TLN2: variants seen among roughly 807,000 people sequenced by gnomAD.
The protein encoded by TLN2 is talin 2, also known as talin-2.
In TLN2, 118 loss-of-function variants were observed where a neutral mutation model predicts 294.7. The observed-to-expected ratio is 0.40, with a 90% confidence interval of 0.34 to 0.47. The LOEUF is 0.47. Ranked by LOEUF, TLN2 falls within the 20% of genes least tolerant of loss-of-function variation. The pLI is 0.84. For synonymous variants in TLN2, 1,431 were observed against 1,304.5 expected, an observed-to-expected ratio of 1.10 and a Z score of -2.09; for missense variants, 3,083 against 3,282.2, an observed-to-expected ratio of 0.94 and a Z score of 1.48.
intron 25 of TLN2, among the ~76,000 whole-genome samples, chr15:62,722,104 A>G (rs774461572): frequency 3.9e-5 from 6 of 152,290 alleles, no homozygotes; most frequent in Admixed American, 2.0e-4. Flanking sequence ...TCAAGCCACT[A>G]TTCTAATTTT....
intron 1 of TLN2, among the ~76,000 whole-genome samples, chr15:62,480,851 T>C (rs544777513): frequency 5.9e-5 from 9 of 152,296 alleles, no homozygotes; most frequent in Non-Finnish European, 1.0e-4. Flanking sequence ...TGTGCTAAAG[T>C]GTTCAGACCT....
chr15:62,604,915 T>C (rs1228217546), intron 2 of TLN2, among the ~76,000 whole-genome samples: 2 of 151,684 alleles, frequency 1.3e-5, no homozygotes, highest in Non-Finnish European at 2.9e-5. Flanking sequence ...CCTCCTCCTT[T>C]CCCCCATTAA....
chr15:62,740,749 TCTC>T lies in TLN2; in HGVS notation c.4008_4010del (p.Leu1337del), dbSNP rs749864773. On this transcript the variant is annotated inframe_deletion, in exon 32 of 59. Coordinates refer to ENST00000636159, the MANE Select transcript of TLN2 (RefSeq NM_015059.3). ...ATCCAGGAGCTCCCAATGCGAAAAA[TCTC>T]CTGGCTGCAGCTGCAAGGTAGGAGT... 5.6e-6 allele frequency: 9 copies of T among 1,613,904 alleles called. No individual in the cohort carries two copies. In the African/African-American group the frequency reaches 8.0e-5, roughly 14 times the overall value.
chr15:62,446,836 A>C (rs2035845727), intron 1 of TLN2, among the ~76,000 whole-genome samples: 1 of 152,214 alleles, frequency 6.6e-6, no homozygotes, highest in Admixed American at 6.5e-5. Flanking sequence ...TACTTAAGAT[A>C]ATATGTAAAT....
chr15:62,715,511 T>C (rs2059707796), intron 22 of TLN2, among the ~76,000 whole-genome samples: 1 of 152,356 alleles, frequency 6.6e-6, no homozygotes, highest in South Asian at 2.1e-4. Flanking sequence ...GTTAAAATTA[T>C]ATCCTTTCTC....
intron 1 of TLN2, among the ~76,000 whole-genome samples, chr15:62,527,222 C>T (rs1295037104): frequency 2.0e-5 from 3 of 151,626 alleles, no homozygotes; most frequent in Non-Finnish European, 2.9e-5. Flanking sequence ...CTTTGGACTC[C>T]TCAGGGATCA....
rs182010949 is a variant in TLN2 at position 62,812,921 on chromosome 15, A to G, written c.6771+2889A>G. 4.7e-4 allele frequency among the ~76,000 whole-genome samples: 71 copies of G among 152,304 alleles called. 1 individual carries two copies. The East Asian group carries it at 9.5e-3, about 20-fold the overall frequency. ...GCCACACATTCAGAGACTCCTGCTT[A>G]GTGGCCACCCAGTCGCTATGTCAAC... On this transcript the variant is annotated intron_variant, in intron 52 of 58. Transcript: ENST00000636159.
intron 54 of TLN2, chr15:62,829,000 G>A (rs1320151807): frequency 6.6e-6 from 1 of 151,858 alleles, no homozygotes; most frequent in Admixed American, 6.6e-5. Flanking sequence ...ACAGATTCCT[G>A]ACTCCCACCC....
chr15:62,838,826 G>A (rs751784743), intron 57 of TLN2, 30 bp from the exon 58 acceptor site: 3 of 1,604,650 alleles, frequency 1.9e-6, no homozygotes, highest in Non-Finnish European at 2.5e-6. Context: ...TGTTTCTAAT[G>A]ATATAATGTA....
chr15:62,528,135 A>T (rs1440516648), intron 1 of TLN2, among the ~76,000 whole-genome samples: 1 of 152,214 alleles, frequency 6.6e-6, no homozygotes, highest in South Asian at 2.1e-4. Context: ...ATTAAATTTT[A>T]TATTTTTCAA....
intron 1 of TLN2, among the ~76,000 whole-genome samples, chr15:62,575,020 A>T (rs757879197): frequency 1.3e-5 from 2 of 152,174 alleles, no homozygotes; most frequent in Admixed American, 6.5e-5. Context: ...AAAGTTTATT[A>T]TCTGTTTCAG....
intron 9 of TLN2, among the ~76,000 whole-genome samples, chr15:62,664,496 C>T (rs1328807496): frequency 6.6e-6 from 1 of 151,902 alleles, no homozygotes; most frequent in Non-Finnish European, 1.5e-5. Flanking sequence ...AAAGAGAAAC[C>T]GGATGTATTA....
intron 51 of TLN2, among the ~76,000 whole-genome samples, chr15:62,806,057 T>C (rs1233145314): frequency 1.3e-5 from 2 of 152,026 alleles, no homozygotes; most frequent in East Asian, 3.9e-4. Flanking sequence ...CCAAGTGTGG[T>C]GGTGTGTACC....
At chr15:62,412,473 G>A (rs2033829926) in intron 1 of TLN2, among the ~76,000 whole-genome samples, 1 of 152,182 alleles carries the variant, frequency 6.6e-6, no homozygotes, top group African/African-American at 2.4e-5. Context: ...GACCCTGGAA[G>A]AATGATGCCC....
intron 3 of TLN2, among the ~76,000 whole-genome samples, chr15:62,641,643 AT>A (rs1344166343): frequency 1.7e-5 from 2 of 116,308 alleles, no homozygotes; most frequent in Non-Finnish European, 3.8e-5. Context: ...TAAAAAAAAA[AT>A]AATAATAACA....
chr15:62,437,671 C>T (rs942886454), intron 1 of TLN2, among the ~76,000 whole-genome samples: 1 of 152,046 alleles, frequency 6.6e-6, no homozygotes, highest in African/African-American at 2.4e-5. Context: ...CTAGCCCTTG[C>T]CTCAGGATAC....
In TLN2 at chr15:62,840,754, C is replaced by G. The variant is rs2070584888; in HGVS notation, c.*144C>G. On this transcript the variant is annotated 3_prime_UTR_variant, in exon 59 of 59. Coordinates refer to ENST00000636159, the MANE Select transcript of TLN2 (RefSeq NM_015059.3). ...GAGCCCTGCGTGCTTGTTCTCACAT[C>G]TCTGTCCCGTCGGCACTGGCTGCAT... The G allele has an allele frequency of 8.4e-7, 1 of 1,183,998 alleles. No homozygotes were observed. The highest frequency in any genetic ancestry group is 1.6e-5 in the South Asian group (1 of 61,740). 73.3% of individuals were successfully genotyped at this position (1,183,998 alleles called of 1,614,324 possible). A position where few individuals can be genotyped will look rare whatever the true frequency, so the allele number is the denominator to read the frequency against.
rs1456458920 is a variant in TLN2, at chr15:62,716,589, G to C, written c.2763+130G>C. 4 of 1,275,378 alleles carry C rather than the reference G, an allele frequency of 3.1e-6. No homozygotes were observed. In the East Asian group the frequency reaches 8.3e-5, roughly 27 times the overall value. 79.0% of individuals were successfully genotyped at this position (1,275,378 alleles called of 1,614,324 possible). Reference sequence around the variant, plus strand: ...GTCAAGGTTCACATCATTGTTTGAAGGTTTGAGTACTATAAAAGCATTGAC... The same window carrying C: ...GTCAAGGTTCACATCATTGTTTGAACGTTTGAGTACTATAAAAGCATTGAC... On this transcript the variant is annotated intron_variant, in intron 23 of 58. Transcript: ENST00000636159.
chr15:62,581,463 C>T (rs1281460722), intron 1 of TLN2, among the ~76,000 whole-genome samples: 2 of 152,230 alleles, frequency 1.3e-5, no homozygotes, highest in East Asian at 1.9e-4. Context: ...CTATGGTGTT[C>T]ATCAGGTTCT....
Sources: allele counts gnomAD v4.1 joint callset (sites outside exome capture counted in the v4.1 genomes callset), GRCh38; gene constraint gnomAD v4.1.1; transcripts MANE v1.5; gene names NCBI Gene and HGNC (gene_info 2026-07-23, HGNC 2026-07-21).